Variants in XPNPEP1 observed in about 807,000 individuals in gnomAD.
The protein encoded by XPNPEP1 is xaa-Pro aminopeptidase 1.
In XPNPEP1, 39 loss-of-function variants were observed where a neutral mutation model predicts 92.4. That is an observed-to-expected ratio of 0.42 (90% CI 0.33 to 0.55). The LOEUF (loss-of-function observed/expected upper bound fraction) is 0.55, where lower values mean the gene tolerates loss of function less well. Ranked by LOEUF, XPNPEP1 falls within the 20% of genes least tolerant of loss-of-function variation. The probability of loss-of-function intolerance (pLI) is 0.08; values close to 1 mark genes in which losing one functional copy is unlikely to be tolerated. For synonymous variants in XPNPEP1, 307 were observed against 299.4 expected, an observed-to-expected ratio of 1.03 and a Z score of -0.26; for missense variants, 654 against 856.1, an observed-to-expected ratio of 0.76 and a Z score of 2.95.
chr10:109,872,914 C>T (rs1847567237), intron 16 of XPNPEP1, among the ~76,000 whole-genome samples: 1 of 152,206 alleles, frequency 6.6e-6, no homozygotes, highest in South Asian at 2.1e-4. Flanking sequence ...AGCTCTCTTT[C>T]CCCTTTCCAT....
chr10:109,880,674 C>T (rs186054471), intron 11 of XPNPEP1, among the ~76,000 whole-genome samples, 168 bp downstream of exon 11: 4 of 152,264 alleles, frequency 2.6e-5, no homozygotes, highest in Admixed American at 2.6e-4. Flanking sequence ...AGATCTAATC[C>T]ATCAAGTATT....
At chr10:109,890,593 T>TGTGTGAGAGA (rs1445814052) in intron 5 of XPNPEP1, among the ~76,000 whole-genome samples, 2 of 104,064 alleles carry the variant, frequency 1.9e-5, no homozygotes, top group Non-Finnish European at 3.8e-5. Context: ...TGTGTGTGTG[T>TGTGTGAGAGA]GAGAGAGAGA....
chr10:109,912,211 A>G (rs1849915859), intron 2 of XPNPEP1, among the ~76,000 whole-genome samples: 1 of 152,018 alleles, frequency 6.6e-6, no homozygotes, highest in African/African-American at 2.4e-5. Flanking sequence ...TCAACACTCA[A>G]CACTTTCCCT....
In XPNPEP1 at chr10:109,864,854, T is replaced by G. The variant is rs1312660612; in HGVS notation, c.*330A>C. The G allele has an allele frequency of 8.9e-6, 3 of 336,610 alleles. No homozygotes were observed. The highest frequency in any genetic ancestry group is 1.7e-5 in the Non-Finnish European group (3 of 175,672). 20.9% of individuals were successfully genotyped at this position (336,610 alleles called of 1,614,324 possible). On this transcript the variant is annotated 3_prime_UTR_variant, in exon 21 of 21. Coordinates refer to ENST00000502935, the MANE Select transcript of XPNPEP1 (RefSeq NM_020383.4). ...GAATGATGTACTAGCACCTGGAACA[T>G]GACCATCATGGAGCACTCACTGATT... is the stretch of plus-strand genomic sequence containing the variant.
At chr10:109,879,755 C>T (rs540625827) in intron 12 of XPNPEP1, among the ~76,000 whole-genome samples, 10 of 152,092 alleles carry the variant, frequency 6.6e-5, no homozygotes, top group Admixed American at 5.9e-4. Context: ...AGAGAAACCA[C>T]CCTCTTGTCA....
intron 20 of XPNPEP1, among the ~76,000 whole-genome samples, chr10:109,865,781 G>A (rs1420276688): frequency 6.6e-6 from 1 of 152,232 alleles, no homozygotes; most frequent in African/African-American, 2.4e-5. Flanking sequence ...GGTGTCTTTT[G>A]AGTGTAGCTG....
chr10:109,877,903 G>C, intron 13 of XPNPEP1, 36 bp from the exon 14 acceptor site: 2 of 1,614,156 alleles, frequency 1.2e-6, no homozygotes, highest in Non-Finnish European at 1.7e-6. Flanking sequence ...GTGGCTTAAA[G>C]GTTTTTACTG....
chr10:109,914,960 A>T (rs1195490745), intron 2 of XPNPEP1, 51 bp downstream of exon 2: 53 of 1,281,150 alleles, frequency 4.1e-5, no homozygotes, highest in Non-Finnish European at 5.6e-5. Context: ...TGGGGTGGAG[A>T]TCTAAAATCC....
At chr10:109,891,916 G>A (rs190843834) in intron 4 of XPNPEP1, 90 bp from the exon 5 acceptor site, 779 of 1,305,812 alleles carry the variant, frequency 6.0e-4, no homozygotes, top group Non-Finnish European at 7.3e-4. Context: ...GGCAAGAGCA[G>A]TAAGAGGCAT....
At chr10:109,879,260 T>C (rs1344948087) in intron 12 of XPNPEP1, among the ~76,000 whole-genome samples, 1 of 135,504 alleles carries the variant, frequency 7.4e-6, no homozygotes, top group Non-Finnish European at 1.6e-5. Context: ...AAAAAAATAA[T>C]AAAAATGTAA....
At chr10:109,891,851 G>A (rs767732826) in intron 4 of XPNPEP1, 25 bp from the exon 5 acceptor site, 4 of 1,589,548 alleles carry the variant, frequency 2.5e-6, no homozygotes, top group East Asian at 4.5e-5. Context: ...AAAAAAAAAA[G>A]AAGAAGAAAG....
intron 20 of XPNPEP1, among the ~76,000 whole-genome samples, chr10:109,865,893 GAGC>G (rs1447006804): frequency 6.6e-6 from 1 of 152,212 alleles, no homozygotes; most frequent in Non-Finnish European, 1.5e-5. Flanking sequence ...CATGCCACAA[GAGC>G]AGGAGACAAA....
In XPNPEP1 at chr10:109,880,950, A is replaced by G; in HGVS notation, c.1042-19T>C. ...GGTGGTCCTAGAGGCAAAGGGCAGTAGGGTGGGAAATCAAACCGGCTCCAC... is the reference window on the plus strand; with the variant it reads ...GGTGGTCCTAGAGGCAAAGGGCAGTGGGGTGGGAAATCAAACCGGCTCCAC... On this transcript the variant is annotated intron_variant, in intron 10 of 20. Coordinates refer to ENST00000502935, the MANE Select transcript of XPNPEP1 (RefSeq NM_020383.4). The G allele has an allele frequency of 6.2e-7, 1 of 1,609,808 alleles. No homozygotes were observed. Among genetic ancestry groups the G allele is most frequent in the Non-Finnish European group, 8.5e-7 (1 of 1,177,126 alleles).
intron 15 of XPNPEP1, among the ~76,000 whole-genome samples, chr10:109,875,220 T>C (rs1053093845): frequency 1.3e-5 from 2 of 152,212 alleles, no homozygotes; most frequent in Non-Finnish European, 2.9e-5. Context: ...AGGCGGTTCA[T>C]GGGCTGGGGT....
At chr10:109,904,473 C>T (rs574046704) in intron 3 of XPNPEP1, among the ~76,000 whole-genome samples, 2 of 152,080 alleles carry the variant, frequency 1.3e-5, no homozygotes, top group African/African-American at 2.4e-5. Context: ...TCTCCCACCC[C>T]GCCCCTGAAA....
At chr10:109,870,146 G>A in intron 18 of XPNPEP1, 117 bp from the exon 19 acceptor site, 1 of 1,124,100 alleles carries the variant, frequency 8.9e-7, no homozygotes, top group South Asian at 1.5e-5. Flanking sequence ...CGGGTGAAGA[G>A]CCCACTCTAT....
At chr10:109,882,335 A>C in intron 10 of XPNPEP1, 97 bp downstream of exon 10, 1 of 1,424,578 alleles carries the variant, frequency 7.0e-7, no homozygotes, top group Non-Finnish European at 9.7e-7. Context: ...GTTCTGATCC[A>C]ACAGGCAGCC....
intron 8 of XPNPEP1, 182 bp from the exon 9 acceptor site, chr10:109,884,330 G>A (rs1848272782): frequency 1.7e-6 from 1 of 589,856 alleles, no homozygotes; most frequent in East Asian, 2.9e-5. Flanking sequence ...AATTGCTCAT[G>A]TCCACCACGT....
intron 3 of XPNPEP1, among the ~76,000 whole-genome samples, chr10:109,896,721 T>G (rs1849013729): frequency 6.6e-6 from 1 of 151,998 alleles, no homozygotes; most frequent in African/African-American, 2.4e-5. Flanking sequence ...CACATTTGTA[T>G]TATAAATGAA....
Sources: allele counts gnomAD v4.1 joint callset (sites outside exome capture counted in the v4.1 genomes callset), GRCh38; gene constraint gnomAD v4.1.1; transcripts MANE v1.5; gene names NCBI Gene and HGNC (gene_info 2026-07-23, HGNC 2026-07-21).